Variants in RUSF1 observed in about 807,000 individuals in gnomAD.
RUSF1 encodes RUS family member 1.
RUSF1 carries 58 observed loss-of-function variants against 63.0 expected under a neutral mutation model. That is an observed-to-expected ratio of 0.92 (90% CI 0.75 to 1.15). The LOEUF (loss-of-function observed/expected upper bound fraction) is 1.15, where lower values mean the gene tolerates loss of function less well. Ranked by LOEUF, RUSF1 falls within the 50% of genes most tolerant of loss-of-function variation. The pLI, the probability that RUSF1 is intolerant of heterozygous loss-of-function variation, is 0.00. For synonymous variants in RUSF1, 274 were observed against 255.8 expected (o/e 1.07, Z -0.68); for missense variants, 652 against 611.0 (o/e 1.07, Z -0.71).
intron 9 of RUSF1, 115 bp from the exon 10 acceptor site, chr16:31,493,163 C>G (rs1455113155): frequency 9.2e-7 from 1 of 1,090,672 alleles, no homozygotes; most frequent in Admixed American, 2.0e-5. Flanking sequence ...ACTCAGGTCC[C>G]CTCGCTTCCT....
In RUSF1 at chr16:31,508,244, G is replaced by C. The variant is rs1567401299; in HGVS notation, c.130C>G (p.Leu44Val). Reference sequence around the variant, plus strand: ...GGTTTGACCGTGAAGGCCCTGGAGAGCCCCCACCAGCGCCAGCCCCCGACC... The same window carrying C: ...GGTTTGACCGTGAAGGCCCTGGAGACCCCCCACCAGCGCCAGCCCCCGACC... ...WEVGGWRWWG[L>V]SRAFTVKPEG... Residue 44 changes from leucine to valine, a missense_variant, in exon 1 of 13, where the codon CTC becomes GTC. Transcript: ENST00000327237. 7.7e-6 allele frequency: 12 copies of C among 1,563,408 alleles called. No homozygotes were observed. The highest frequency in any genetic ancestry group is 1.0e-5 in the Non-Finnish European group (12 of 1,154,312).
At chr16:31,497,890 G>C (rs1184043317) in intron 5 of RUSF1, among the ~76,000 whole-genome samples, 1 of 152,252 alleles carries the variant, frequency 6.6e-6, no homozygotes, top group Non-Finnish European at 1.5e-5. Flanking sequence ...TGGAGCAGCA[G>C]AGTGACCTGA....
chr16:31,502,938 A>G (rs942514288), intron 2 of RUSF1, among the ~76,000 whole-genome samples: 20 of 152,032 alleles, frequency 1.3e-4, no homozygotes, highest in African/African-American at 3.4e-4. Context: ...CTCAGACTCT[A>G]TTTTTCTTCC....
In RUSF1 at chr16:31,491,042, GGTGA is replaced by G. The variant is rs1242673939; in HGVS notation, c.1310-114_1310-111del. 7.2e-6 allele frequency: 7 copies of G among 975,902 alleles called. No individual in the cohort carries two copies. In the East Asian group the frequency reaches 1.3e-4, roughly 18 times the overall value. The allele number at this position is 975,902 out of a possible 1,614,324, so 60.5% of individuals were successfully genotyped here. The stretch of plus-strand genomic sequence containing the variant: ...ACTGGGGCTCCCACTGCCTCTGCTG[GGTGA>G]GTATGGCATAAAATGAGGCTGAAAC... On this transcript the variant is annotated intron_variant, in intron 12 of 12. Transcript: ENST00000327237.
At position 31,508,113 on chromosome 16, in the gene RUSF1, G is replaced by A. The variant is rs1468118926; in HGVS notation, c.261C>T (p.Ser87=). ...ACAGCTGGTAGGGCAAGTAGTCCGG[G>A]CTGACGCTATCAGGGAAGCCCTGAG... ...FLPQGFPDSV[S]PDYLPYQLWD... The change falls in exon 1 of 13, where the codon AGC becomes AGT. Residue 87 remains serine (S), a synonymous_variant. Transcript: ENST00000327237. The A allele has an allele frequency of 1.2e-6, 2 of 1,604,706 alleles. No individual in the cohort carries two copies. The highest frequency in any genetic ancestry group is 1.1e-5 in the South Asian group (1 of 89,340).
chr16:31,491,480 A>G (rs925221687), intron 12 of RUSF1, among the ~76,000 whole-genome samples: 2 of 151,426 alleles, frequency 1.3e-5, no homozygotes, highest in South Asian at 2.1e-4. Context: ...ATGCACAGCT[A>G]ATTTTTTTAT....
chr16:31,495,663 C>G (rs1057420177), intron 6 of RUSF1, among the ~76,000 whole-genome samples: 1 of 151,934 alleles, frequency 6.6e-6, no homozygotes, highest in Non-Finnish European at 1.5e-5. Context: ...CCTGCTTGCT[C>G]CTTAACAGCC....
In RUSF1 at chr16:31,489,784, C is replaced by T. The variant is rs984385319; in HGVS notation, c.*1051G>A. Reference sequence around the variant, plus strand: ...CAGCAGCAGGAGGAAAGGGTGGGAGCACACAGGCACAGAACACTGTGAGCA... The same window carrying T: ...CAGCAGCAGGAGGAAAGGGTGGGAGTACACAGGCACAGAACACTGTGAGCA... On this transcript the variant is annotated 3_prime_UTR_variant, in exon 13 of 13. Transcript: ENST00000327237. 4 of 453,908 alleles carry T rather than the reference C, an allele frequency of 8.8e-6. No homozygotes were observed. Among genetic ancestry groups the T allele is most frequent in the Non-Finnish European group, 1.6e-5 (4 of 244,802 alleles). The allele number at this position is 453,908 out of a possible 1,614,324, so 28.1% of individuals were successfully genotyped here.
At chr16:31,493,971 T>G (rs2082589388) in intron 6 of RUSF1, 35 bp from the exon 7 acceptor site, 1 of 1,606,748 alleles carries the variant, frequency 6.2e-7, no homozygotes, top group African/African-American at 1.3e-5. Context: ...AGTTGGAAGG[T>G]GCCCCTCCAG....
At chr16:31,499,232 G>GAGCCCAGGTAAACTCACAC in intron 5 of RUSF1, 70 bp downstream of exon 5, 2 of 1,364,194 alleles carry the variant, frequency 1.5e-6, no homozygotes, top group South Asian at 2.4e-5. Context: ...TAAACTCACA[G>GAGCCCAGGTAAACTCACAC]AGCCCAGGTA....
At position 31,492,347 on chromosome 16, in the gene RUSF1, G is replaced by T; in HGVS notation, c.1088-7C>A. ...AGAACTACCTGTACCTGGTCTGGAG[G>T]GACCCAGAGACAGACTGGTATCAGG... On this transcript the variant is annotated splice_polypyrimidine_tract_variant and splice_region_variant and intron_variant, in intron 10 of 12. Transcript: ENST00000327237. The T allele has an allele frequency of 1.3e-6, 2 of 1,544,266 alleles. No individual in the cohort carries two copies. Among genetic ancestry groups the T allele is most frequent in the Non-Finnish European group, 8.7e-7 (1 of 1,146,198 alleles).
At chr16:31,504,579 T>A (rs551199075) in intron 2 of RUSF1, among the ~76,000 whole-genome samples, 1 of 152,178 alleles carries the variant, frequency 6.6e-6, no homozygotes, top group Non-Finnish European at 1.5e-5. Context: ...CGGCCAAGGT[T>A]AAGCATTCCT....
chr16:31,497,753 C>G (rs550530225), intron 5 of RUSF1, among the ~76,000 whole-genome samples: 2 of 152,148 alleles, frequency 1.3e-5, no homozygotes, highest in Non-Finnish European at 2.9e-5. Context: ...CAAGTTAATA[C>G]GCAGGCAGAG....
intron 6 of RUSF1, among the ~76,000 whole-genome samples, chr16:31,494,738 G>T (rs990011214): frequency 6.6e-6 from 1 of 151,388 alleles, no homozygotes; most frequent in Admixed American, 6.6e-5. Context: ...AAGAGCGAGG[G>T]TCTCGCTCTG....
chr16:31,495,629 C>T (rs558114770), intron 6 of RUSF1, among the ~76,000 whole-genome samples: 2 of 152,066 alleles, frequency 1.3e-5, no homozygotes, highest in Non-Finnish European at 2.9e-5. Flanking sequence ...GGGAGTCCTG[C>T]GGTGAGGGAC....
rs958744729 is a variant in RUSF1, at chr16:31,493,536, T to C, written c.959-12A>G. On this transcript the variant is annotated splice_polypyrimidine_tract_variant and intron_variant, in intron 8 of 12. Coordinates refer to ENST00000327237, the MANE Select transcript of RUSF1 (RefSeq NM_022744.4). ...AGCTGGCCAGAAACCTGTGGGAAGC[T>C]GGGGTCAGGATGCCTAGGCAGTGGG... 5 of 1,614,016 alleles carry C rather than the reference T, an allele frequency of 3.1e-6. No individual in the cohort carries two copies. Among genetic ancestry groups the C allele is most frequent in the Non-Finnish European group, 4.2e-6 (5 of 1,179,976 alleles).
chr16:31,499,626 G>A, intron 3 of RUSF1, 101 bp from the exon 4 acceptor site: 3 of 1,158,646 alleles, frequency 2.6e-6, no homozygotes, highest in Non-Finnish European at 3.6e-6. Flanking sequence ...GAAGAGCTCA[G>A]GAAAACCCAC....
chr16:31,493,183 A>G, intron 9 of RUSF1, 135 bp from the exon 10 acceptor site: 3 of 979,300 alleles, frequency 3.1e-6, no homozygotes, highest in Non-Finnish European at 4.8e-6. Flanking sequence ...TCTCTCCCTC[A>G]GCCATTACCC....
chr16:31,492,063 C>T lies in RUSF1; in HGVS notation c.1255G>A (p.Val419Ile), dbSNP rs757370366. Reference protein sequence around the residue: ...RAGPKKESWVVVKETHEVLDM... With the variant: ...RAGPKKESWVIVKETHEVLDM... ...AACACTTCGTGTGTCTCCTTGACGA[C>T]GACCCAGCTCTCTTTCTTAGGACCT... The change falls in exon 12 of 13, where the codon GTC (valine) becomes ATC (isoleucine). Residue 419 changes from valine to isoleucine, a missense_variant. Transcript: ENST00000327237. 1.4e-5 allele frequency: 23 copies of T among 1,614,048 alleles called. No individual in the cohort carries two copies. Among genetic ancestry groups the T allele is most frequent in the East Asian group, 6.7e-5 (3 of 44,896 alleles).
Sources: gnomAD v4.1 joint callset for allele counts (sites outside exome capture counted in the v4.1 genomes callset) on GRCh38, gnomAD v4.1.1 for gene constraint, MANE v1.5 for transcripts, NCBI Gene and HGNC (gene_info 2026-07-23, HGNC 2026-07-21) for gene names.